Variants in ZNF410 observed in about 807,000 individuals in gnomAD.
ZNF410 encodes another partner for ARF 1.
A neutral mutation model predicts 54.8 loss-of-function variants in ZNF410; 18 were observed. The ratio of observed to expected loss-of-function variants is 0.33; its 90% CI spans 0.23 to 0.49. ZNF410 has a LOEUF of 0.49. Among genes scored for constraint, ZNF410 ranks in the 20% least tolerant of loss-of-function variants. The probability of loss-of-function intolerance (pLI) is 0.99; values close to 1 mark genes in which losing one functional copy is unlikely to be tolerated. For synonymous variants in ZNF410, 191 were observed against 207.3 expected, an observed-to-expected ratio of 0.92 and a Z score of 0.68; for missense variants, 405 against 569.6, an observed-to-expected ratio of 0.71 and a Z score of 2.94.
chr14:73,908,241 G>A (rs1038304334), intron 7 of ZNF410, among the ~76,000 whole-genome samples: 2 of 152,098 alleles, frequency 1.3e-5, no homozygotes, highest in East Asian at 3.9e-4. Flanking sequence ...AAATAGGCAG[G>A]TATGTCCCCT....
At chr14:73,911,634 T>A (rs996573646) in intron 8 of ZNF410, among the ~76,000 whole-genome samples, 1 of 151,852 alleles carries the variant, frequency 6.6e-6, no homozygotes, top group Non-Finnish European at 1.5e-5. Context: ...AGTAGAGAAA[T>A]TTTTTTTTAT....
At chr14:73,924,819 G>A (rs775756860) in intron 11 of ZNF410, 4 of 351,538 alleles carry the variant, frequency 1.1e-5, no homozygotes, top group South Asian at 6.4e-5. Flanking sequence ...TGCTACTACA[G>A]GTGCGTGCCA....
At chr14:73,889,636 T>C (rs898863909) in intron 1 of ZNF410, among the ~76,000 whole-genome samples, 1 of 152,090 alleles carries the variant, frequency 6.6e-6, no homozygotes, top group Non-Finnish European at 1.5e-5. Context: ...ATACTGAGCC[T>C]TGGTTCCTTC....
rs78497610 is a variant in ZNF410, at chr14:73,889,260, G to A, written c.-150+2345G>A. On this transcript the variant is annotated intron_variant, in intron 1 of 11. Transcript: ENST00000555044. ...CGTGATCACTGTTCAGTGCAGCCTC[G>A]ATCTCCTGGGCTAAAGCAATCCTCC... 8.3e-3 allele frequency among the ~76,000 whole-genome samples: 1,256 copies of A among 151,842 alleles called. 14 individuals are homozygous for A. Among genetic ancestry groups the A allele is most frequent in the African/African-American group, 0.03 (1,222 of 41,398 alleles).
At chr14:73,917,284 C>G (rs987135341) in intron 8 of ZNF410, among the ~76,000 whole-genome samples, 13 of 151,804 alleles carry the variant, frequency 8.6e-5, no homozygotes, top group African/African-American at 3.1e-4. Context: ...GTTTAAATAC[C>G]CTTTAAATCA....
At chr14:73,928,592 T>C (rs2055867779) in intron 11 of ZNF410, among the ~76,000 whole-genome samples, 2 of 152,098 alleles carry the variant, frequency 1.3e-5, no homozygotes, top group South Asian at 4.1e-4. Flanking sequence ...AGAGCATCCA[T>C]GTATAATAGG....
In ZNF410 at chr14:73,905,495, A is replaced by G. The variant is rs961920618; in HGVS notation, c.913+412A>G. 7.1e-5 allele frequency: 11 copies of G among 156,028 alleles called. No homozygotes were observed. In the South Asian group the frequency reaches 1.0e-3, roughly 14 times the overall value. 9.7% of individuals were successfully genotyped at this position (156,028 alleles called of 1,614,324 possible). On this transcript the variant is annotated intron_variant, in intron 7 of 11. Transcript: ENST00000555044. ...GGCACTAAATGGGGCAGGGTGGGAA[A>G]AAAATACAAAAGATAAGATATAATC...
chr14:73,898,870 C>T (rs909206394), intron 5 of ZNF410, among the ~76,000 whole-genome samples: 10 of 152,320 alleles, frequency 6.6e-5, no homozygotes, highest in African/African-American at 1.4e-4. Context: ...ATTGACGTCA[C>T]GTGGGAACTG....
intron 8 of ZNF410, chr14:73,916,810 CAA>C (rs34020079): frequency 0.52 from 75,085 of 145,734 alleles, 18,853 homozygotes; most frequent in South Asian, 0.62. Flanking sequence ...CCCGTTTCTA[CAA>C]AAAAAAAAAA....
chr14:73,893,615 A>C (rs1291989097), intron 2 of ZNF410, 182 bp from the exon 3 acceptor site: 37 of 617,504 alleles, frequency 6.0e-5, no homozygotes, highest in South Asian at 1.3e-4. Context: ...GACTTTATAT[A>C]AATCAGCTGT....
At chr14:73,905,994 T>TATATATATATATATATATATATATATAC (rs1293177402) in intron 7 of ZNF410, among the ~76,000 whole-genome samples, 1 of 136,562 alleles carries the variant, frequency 7.3e-6, no homozygotes, top group African/African-American at 2.9e-5. Context: ...TATATATATA[T>TATATATATATATATATATATATATATAC]ACACACATAC....
At chr14:73,922,035 G>T (rs775948100) in intron 9 of ZNF410, 31 bp from the exon 10 acceptor site, 1 of 1,611,396 alleles carries the variant, frequency 6.2e-7, no homozygotes, top group Non-Finnish European at 8.5e-7. Context: ...CTTGATTGCT[G>T]TATGTCTCTC....
At position 73,892,007 on chromosome 14, in the gene ZNF410, C is replaced by G. The variant is rs766405818; in HGVS notation, c.-149-20C>G. The G allele has an allele frequency of 1.4e-6, 1 of 735,768 alleles. No homozygotes were observed. The highest frequency in any genetic ancestry group is 2.4e-6 in the Non-Finnish European group (1 of 411,252). The allele number at this position is 735,768 out of a possible 1,614,324, so 45.6% of individuals were successfully genotyped here. A position where few individuals can be genotyped will look rare whatever the true frequency, so the allele number is the denominator to read the frequency against. Reference sequence around the variant, plus strand: ...CCACTGCTCTTAATGCCCCCTCTCTCTTTTTTACCCCTATTCTAGGTTACA... The same window carrying G: ...CCACTGCTCTTAATGCCCCCTCTCTGTTTTTTACCCCTATTCTAGGTTACA... On this transcript the variant is annotated intron_variant, in intron 1 of 11. Transcript: ENST00000555044.
chr14:73,932,301 C>A lies in ZNF410; in HGVS notation c.*760C>A. On this transcript the variant is annotated 3_prime_UTR_variant, in exon 12 of 12. Coordinates refer to ENST00000555044, the MANE Select transcript of ZNF410 (RefSeq NM_021188.3). ...TCAGTTCTTTGGCTCTTGTTTTATA[C>A]AAAATTTGTTTTCTTAGAGATTAAG... is the stretch of plus-strand genomic sequence containing the variant. 1 of 335,130 alleles carries A rather than the reference C, an allele frequency of 3.0e-6. No homozygotes were observed. The highest frequency in any genetic ancestry group is 5.8e-6 in the Non-Finnish European group (1 of 172,366). The allele number at this position is 335,130 out of a possible 1,614,324, so 20.8% of individuals were successfully genotyped here.
At chr14:73,888,393 C>G (rs750806878) in intron 1 of ZNF410, 8 of 152,086 alleles carry the variant, frequency 5.3e-5, no homozygotes, top group Non-Finnish European at 1.2e-4. Context: ...GTCATTCATT[C>G]ATTATACAAA....
intron 1 of ZNF410, among the ~76,000 whole-genome samples, chr14:73,888,799 A>G (rs776722153): frequency 1.3e-5 from 2 of 152,208 alleles, no homozygotes; most frequent in Non-Finnish European, 2.9e-5. Flanking sequence ...ACACTTGATA[A>G]GATACTGAGT....
At chr14:73,926,324 C>T (rs1296995777) in intron 11 of ZNF410, among the ~76,000 whole-genome samples, 1 of 152,090 alleles carries the variant, frequency 6.6e-6, no homozygotes, top group Non-Finnish European at 1.5e-5. Flanking sequence ...AGGATTCAAA[C>T]AATGTCTGTA....
At chr14:73,915,891 G>A (rs1480879960) in intron 8 of ZNF410, 1 of 152,088 alleles carries the variant, frequency 6.6e-6, no homozygotes, top group African/African-American at 2.4e-5. Flanking sequence ...TTTGGTCAGG[G>A]TGTATAGTCC....
intron 3 of ZNF410, chr14:73,894,487 T>C: frequency 2.9e-6 from 2 of 686,720 alleles, no homozygotes; most frequent in Non-Finnish European, 5.3e-6. Context: ...AGTGACGCAA[T>C]CTTGGCTCAC....
Sources: allele counts gnomAD v4.1 joint callset (sites outside exome capture counted in the v4.1 genomes callset), GRCh38; gene constraint gnomAD v4.1.1; transcripts MANE v1.5; gene names NCBI Gene and HGNC (gene_info 2026-07-23, HGNC 2026-07-21).